Variants in CCDC25 observed in about 807,000 individuals in gnomAD.
CCDC25 encodes the protein coiled-coil domain containing 25.
Under a neutral mutation model 35.3 loss-of-function variants are expected in CCDC25, and 16 were observed. The ratio of observed to expected loss-of-function variants is 0.45; its 90% CI spans 0.31 to 0.69. The LOEUF (loss-of-function observed/expected upper bound fraction) is 0.69, where lower values mean the gene tolerates loss of function less well. CCDC25 is among the 30% of genes least tolerant of loss of function. CCDC25 has a pLI of 0.06. For synonymous variants in CCDC25, 79 were observed against 80.3 expected (o/e 0.98, Z 0.09); for missense variants, 179 against 250.7 (o/e 0.71, Z 1.93).
chr8:27,743,414 G>A (rs969251446), intron 7 of CCDC25, among the ~76,000 whole-genome samples: 2 of 152,222 alleles, frequency 1.3e-5, no homozygotes, highest in African/African-American at 4.8e-5. Context: ...CGGCCAGCAA[G>A]GGCCTGCATG....
chr8:27,763,717 C>CAAATAAAT (rs564925983), intron 2 of CCDC25, among the ~76,000 whole-genome samples: 29 of 149,024 alleles, frequency 1.9e-4, no homozygotes, highest in Admixed American at 6.0e-4. Flanking sequence ...GAAACTGTCT[C>CAAATAAAT]AAATAAATAA....
At chr8:27,749,483 T>C (rs1323182585) in intron 5 of CCDC25, among the ~76,000 whole-genome samples, 1 of 152,246 alleles carries the variant, frequency 6.6e-6, no homozygotes, top group African/African-American at 2.4e-5. Context: ...GTAATATTCC[T>C]GCTCCAAAGT....
intron 4 of CCDC25, among the ~76,000 whole-genome samples, chr8:27,755,572 G>A (rs992511161): frequency 6.6e-6 from 1 of 152,140 alleles, no homozygotes; most frequent in African/African-American, 2.4e-5. Flanking sequence ...TTAGTGACTT[G>A]CTTCCAAATA....
intron 3 of CCDC25, among the ~76,000 whole-genome samples, chr8:27,759,779 C>CAAAAAAAAAAAAAAAAAAAAAAAA (rs77051762): frequency 1.1e-4 from 10 of 91,266 alleles, no homozygotes; most frequent in South Asian, 4.1e-4. Flanking sequence ...GACTCTGTCT[C>CAAAAAAAAAAAAAAAAAAAAAAAA]AAAAAAAAAA....
In CCDC25 at chr8:27,749,045, C is replaced by G. The variant is rs114014348; in HGVS notation, c.245-447G>C. ...GCTAGCCGAGCCTCTCTGGAGAAGT[C>G]CCCTGGCCCTCTGAATTTCATATGA... On this transcript the variant is annotated intron_variant, in intron 5 of 8. Transcript: ENST00000356537. Among the ~76,000 whole-genome samples the G allele has an allele frequency of 9.2e-3, 1,393 of 151,840 alleles. 24 individuals are homozygous for G. The highest frequency in any genetic ancestry group is 0.032 in the African/African-American group (1,328 of 41,516).
chr8:27,742,593 G>A (rs953465216), intron 7 of CCDC25, among the ~76,000 whole-genome samples: 5 of 152,092 alleles, frequency 3.3e-5, no homozygotes, highest in African/African-American at 7.2e-5. Context: ...GGCTGGGCAC[G>A]GTAGCTCACA....
At chr8:27,745,096 A>G (rs1369221851) in intron 7 of CCDC25, among the ~76,000 whole-genome samples, 2 of 152,128 alleles carry the variant, frequency 1.3e-5, no homozygotes, top group Non-Finnish European at 2.9e-5. Flanking sequence ...ACAGGGCTCA[A>G]GCAATCCTCC....
chr8:27,758,541 C>A (rs1050245182), intron 3 of CCDC25, among the ~76,000 whole-genome samples: 8 of 152,196 alleles, frequency 5.3e-5, no homozygotes, highest in African/African-American at 1.9e-4. Context: ...TAATTATCAC[C>A]TTCAGCTGGA....
At chr8:27,754,434 A>G (rs571041520) in intron 4 of CCDC25, 9 of 152,384 alleles carry the variant, frequency 5.9e-5, no homozygotes, top group African/African-American at 2.2e-4. Flanking sequence ...ACATCACGTC[A>G]CTGAAAGGGG....
chr8:27,755,384 T>C (rs1416368386), intron 4 of CCDC25, among the ~76,000 whole-genome samples: 3 of 152,058 alleles, frequency 2.0e-5, no homozygotes, highest in Non-Finnish European at 2.9e-5. Flanking sequence ...ACAGAACATA[T>C]CTCAAAGGAT....
At chr8:27,740,889 A>G (rs541049470) in intron 7 of CCDC25, among the ~76,000 whole-genome samples, 1 of 152,320 alleles carries the variant, frequency 6.6e-6, no homozygotes, top group South Asian at 2.1e-4. Context: ...TAAACGCTAC[A>G]GGAATTCAAA....
At position 27,737,875 on chromosome 8, in the gene CCDC25, T is replaced by TACACACACACACAC. The variant is rs200945575; in HGVS notation, c.598-1631_598-1630insGTGTGTGTGTGTGT. On this transcript the variant is annotated intron_variant, in intron 8 of 8. Coordinates refer to ENST00000356537, the MANE Select transcript of CCDC25 (RefSeq NM_018246.3). This position sits in a 1 kb window ranked among gnomAD's most constrained non-coding sequence, Gnocchi z 4.6. ...GGATAAAGAAACTGTGGTGTGTGTA[T>TACACACACACACAC]ACACACACTCACACACACACACACA... Among the ~76,000 whole-genome samples, 223 of 136,180 alleles carry TACACACACACACAC rather than the reference T, an allele frequency of 1.6e-3. 1 individual carries two copies. The highest frequency in any genetic ancestry group is 5.0e-3 in the African/African-American group (189 of 37,634). 89.3% of individuals were successfully genotyped at this position (136,180 alleles called of 152,430 possible). A position where few individuals can be genotyped will look rare whatever the true frequency, so the allele number is the denominator to read the frequency against.
At chr8:27,762,524 A>C (rs1291549870) in intron 2 of CCDC25, 66 bp from the exon 3 acceptor site, 6 of 1,452,672 alleles carry the variant, frequency 4.1e-6, no homozygotes, top group Non-Finnish European at 5.7e-6. Context: ...AGGGTTTATA[A>C]GAATGGGAGA....
chr8:27,762,014 T>G (rs1804245325), intron 3 of CCDC25, among the ~76,000 whole-genome samples: 1 of 152,160 alleles, frequency 6.6e-6, no homozygotes, highest in Admixed American at 6.5e-5. Flanking sequence ...CAAGTGTGCT[T>G]CCTTTAAAGC....
At chr8:27,759,552 T>C (rs147267723) in intron 3 of CCDC25, among the ~76,000 whole-genome samples, 2 of 146,012 alleles carry the variant, frequency 1.4e-5, no homozygotes, top group African/African-American at 5.1e-5. Flanking sequence ...GAGGTTACAT[T>C]GGGCTAAGAT....
At chr8:27,752,467 G>A in intron 5 of CCDC25, 45 bp downstream of exon 5, 1 of 1,431,152 alleles carries the variant, frequency 7.0e-7, no homozygotes. Flanking sequence ...TTCAGACACA[G>A]AGAAAGTCCG....
intron 8 of CCDC25, among the ~76,000 whole-genome samples, chr8:27,739,470 A>T (rs1196242925): frequency 2.6e-5 from 4 of 152,146 alleles, no homozygotes; most frequent in African/African-American, 7.2e-5. Context: ...CTGTGAATTC[A>T]ACCAACCTCA....
At chr8:27,757,165 A>G (rs1416023338) in intron 3 of CCDC25, among the ~76,000 whole-genome samples, 1 of 152,204 alleles carries the variant, frequency 6.6e-6, no homozygotes. Context: ...TTTCAGGTGA[A>G]AAGAGTGGGG....
In CCDC25 at chr8:27,756,831, A is replaced by G; in HGVS notation, c.117-61T>C. ...CAAGACAATCATCTCCTCAGGCCAC[A>G]TGCCATTTAAAGCATTCTGTTCTAA... On this transcript the variant is annotated intron_variant, in intron 3 of 8. Coordinates refer to ENST00000356537, the MANE Select transcript of CCDC25 (RefSeq NM_018246.3). The G allele has an allele frequency of 1.6e-5, 19 of 1,154,280 alleles. 1 individual carries two copies. Among genetic ancestry groups the G allele is most frequent in the Non-Finnish European group, 2.5e-5 (19 of 762,520 alleles). The allele number at this position is 1,154,280 out of a possible 1,614,324, so 71.5% of individuals were successfully genotyped here.
Sources: gnomAD v4.1 joint callset for allele counts (sites outside exome capture counted in the v4.1 genomes callset) on GRCh38, gnomAD v4.1.1 for gene constraint, Gnocchi (gnomAD v3.1) non-coding constraint, MANE v1.5 for transcripts, NCBI Gene and HGNC (gene_info 2026-07-23, HGNC 2026-07-21) for gene names.